IQANK1: variants seen among roughly 807,000 people sequenced by gnomAD.
IQANK1 encodes IQ motif and ankyrin repeat domain-containing protein 1.
Under a neutral mutation model 22.6 loss-of-function variants are expected in IQANK1, and 30 were observed. That is an observed-to-expected ratio of 1.33 (90% confidence interval 0.99 to 1.80). The LOEUF (loss-of-function observed/expected upper bound fraction) is 1.80, where lower values mean the gene tolerates loss of function less well. IQANK1 is among the 40% of genes most tolerant of loss of function. The pLI is 0.00. For synonymous variants in IQANK1, 122 were observed against 99.6 expected, an observed-to-expected ratio of 1.23 and a Z score of -1.34; for missense variants, 275 against 235.2, an observed-to-expected ratio of 1.17 and a Z score of -1.11.
Position 143,735,835 on chromosome 8 carries a change from C to G in IQANK1, c.-4-15C>G. On this transcript the variant is annotated splice_polypyrimidine_tract_variant and intron_variant, in intron 1 of 13. Coordinates refer to ENST00000527139, the MANE Select transcript of IQANK1 (RefSeq NM_001381874.1). The surrounding 1 kb of genome is among the most constrained non-coding windows in gnomAD (Gnocchi z 5.2). The stretch of plus-strand genomic sequence containing the variant: ...TGAGCACCCTCTCCCTGGTCCTTCC[C>G]TACCCACCCCCCAGGAGAATGGACA... The G allele has an allele frequency of 1.4e-6, 1 of 702,610 alleles. No individual in the cohort carries two copies. The highest frequency in any genetic ancestry group is 2.6e-6 in the Non-Finnish European group (1 of 384,846). The allele number at this position is 702,610 out of a possible 1,614,324, so 43.5% of individuals were successfully genotyped here.
At chr8:143,749,318 A>G (rs1819132692) in intron 3 of IQANK1, among the ~76,000 whole-genome samples, 1 of 89,200 alleles carries the variant, frequency 1.1e-5, no homozygotes. Context: ...ATAAAAATAT[A>G]TATAAAAATA....
intron 7 of IQANK1, among the ~76,000 whole-genome samples, chr8:143,788,569 G>C (rs1156491644): frequency 6.6e-6 from 1 of 152,254 alleles, no homozygotes. Flanking sequence ...GGCACCCAAG[G>C]CCTCAGGCGT....
At chr8:143,736,533 G>A (rs1487957447) in intron 2 of IQANK1, among the ~76,000 whole-genome samples, 2 of 152,152 alleles carry the variant, frequency 1.3e-5, no homozygotes, top group East Asian at 1.9e-4. Flanking sequence ...GAGGTGGGAA[G>A]GGGGCAGGAG....
At chr8:143,761,636 C>G (rs1819399040) in intron 3 of IQANK1, among the ~76,000 whole-genome samples, 1 of 152,038 alleles carries the variant, frequency 6.6e-6, no homozygotes, top group African/African-American at 2.4e-5. Flanking sequence ...GCATTAGCTG[C>G]CTGTAGTGCC....
chr8:143,788,792 A>G (rs1437933357), intron 7 of IQANK1, 123 bp from the exon 8 acceptor site: 1 of 397,568 alleles, frequency 2.5e-6, no homozygotes, highest in Non-Finnish European at 4.4e-6. Flanking sequence ...ACCAGCTGTG[A>G]GCACTGAGGC....
rs1214068634 is a variant in IQANK1 at position 143,774,523 on chromosome 8, T to TGG, written c.789+2044_789+2045dup. Among the ~76,000 whole-genome samples the TGG allele has an allele frequency of 1.3e-5, 2 of 152,152 alleles. No individual in the cohort carries two copies. The highest frequency in any genetic ancestry group is 4.1e-4 in the South Asian group (2 of 4,822). ...CTGGAGCCGAACGAGGGCAGGGATG[T>TGG]GGGGAAGCTGGCCCTGCCACACCTT... is the stretch of plus-strand genomic sequence containing the variant. On this transcript the variant is annotated intron_variant, in intron 7 of 13. Transcript: ENST00000527139. The surrounding 1 kb of genome is among the most constrained non-coding windows in gnomAD (Gnocchi z 4.2).
intron 12 of IQANK1, 24 bp downstream of exon 12, chr8:143,790,088 G>T: frequency 8.1e-7 from 1 of 1,232,122 alleles, no homozygotes; most frequent in Non-Finnish European, 1.0e-6. Flanking sequence ...GCCAGACGTG[G>T]GCGATTTGGG....
At chr8:143,772,607 A>C (rs1385751874) in intron 7 of IQANK1, 125 bp downstream of exon 7, 2 of 397,166 alleles carry the variant, frequency 5.0e-6, no homozygotes, top group African/African-American at 2.1e-5. Flanking sequence ...ACACCCAGGC[A>C]GGGAAGGCTC....
intron 7 of IQANK1, among the ~76,000 whole-genome samples, chr8:143,788,076 G>A (rs571019936): frequency 2.4e-4 from 37 of 152,228 alleles, no homozygotes; most frequent in Middle Eastern, 3.4e-3. Flanking sequence ...CTCAGCTACC[G>A]CCTTGCCTCC....
chr8:143,740,201 G>A (rs568695478), intron 3 of IQANK1, among the ~76,000 whole-genome samples: 1 of 152,038 alleles, frequency 6.6e-6, no homozygotes, highest in African/African-American at 2.4e-5. Context: ...CCCGCCGCCC[G>A]GGTGCGTGGC....
At chr8:143,748,807 C>CAT (rs1198603784) in intron 3 of IQANK1, among the ~76,000 whole-genome samples, 1,397 of 40,142 alleles carry the variant, frequency 0.035, 45 homozygotes, top group Non-Finnish European at 0.057. Flanking sequence ...AAATATATAT[C>CAT]ATATAAATAT....
At chr8:143,753,458 C>CT (rs1343991267) in intron 3 of IQANK1, among the ~76,000 whole-genome samples, 7,059 of 130,382 alleles carry the variant, frequency 0.054, 609 homozygotes, top group African/African-American at 0.17. Context: ...GGGAAAGTTT[C>CT]TTTTTTTTTT....
chr8:143,740,082 G>T, intron 3 of IQANK1, 134 bp downstream of exon 3: 2 of 531,076 alleles, frequency 3.8e-6, no homozygotes, highest in Non-Finnish European at 6.6e-6. Context: ...GCGCGCACGT[G>T]TGGGAGTGCG....
intron 3 of IQANK1, among the ~76,000 whole-genome samples, chr8:143,756,703 C>T (rs782681635): frequency 1.9e-4 from 29 of 151,798 alleles, no homozygotes; most frequent in South Asian, 1.7e-3. Context: ...CTTAGGCTCA[C>T]GTCTGTAATC....
At chr8:143,786,964 G>A (rs1819901171) in intron 7 of IQANK1, among the ~76,000 whole-genome samples, 1 of 152,216 alleles carries the variant, frequency 6.6e-6, no homozygotes, top group African/African-American at 2.4e-5. Context: ...AGGACCAGGA[G>A]AGGGCGGTAG....
chr8:143,780,805 A>G (rs978964076), intron 7 of IQANK1, among the ~76,000 whole-genome samples: 3 of 152,142 alleles, frequency 2.0e-5, no homozygotes, highest in Admixed American at 1.3e-4. Context: ...ATGTGTCTTT[A>G]TGGTACACTG....
At chr8:143,762,992 CCTTTTCCTTTTCCCTTT>C (rs1178031876) in intron 3 of IQANK1, among the ~76,000 whole-genome samples, 5 of 146,314 alleles carry the variant, frequency 3.4e-5, no homozygotes, top group Non-Finnish European at 7.6e-5. Flanking sequence ...CTTTTGTTTT[CCTTTTCCTTTTCCCTTT>C]CTTTTCCTTT....
At chr8:143,754,353 T>C (rs1194118458) in intron 3 of IQANK1, among the ~76,000 whole-genome samples, 1 of 152,356 alleles carries the variant, frequency 6.6e-6, no homozygotes, top group South Asian at 2.1e-4. Context: ...ATGGGTCCTC[T>C]GGCTGAGCAC....
intron 3 of IQANK1, among the ~76,000 whole-genome samples, chr8:143,766,850 T>G (rs1219224026): frequency 6.6e-6 from 1 of 152,194 alleles, no homozygotes; most frequent in Non-Finnish European, 1.5e-5. Flanking sequence ...CATCTGGAAT[T>G]GCCTGTTGTG....
Sources: gnomAD v4.1 joint callset for allele counts (sites outside exome capture counted in the v4.1 genomes callset) on GRCh38, gnomAD v4.1.1 for gene constraint, Gnocchi (gnomAD v3.1) non-coding constraint, MANE v1.5 for transcripts, NCBI Gene and HGNC (gene_info 2026-07-23, HGNC 2026-07-21) for gene names.